CHST12: variants seen among roughly 807,000 people sequenced by gnomAD.
CHST12 encodes the protein carbohydrate (chondroitin 4) sulfotransferase 12.
A neutral mutation model predicts 27.9 loss-of-function variants in CHST12; 23 were observed. The ratio of observed to expected loss-of-function variants is 0.82; its 90% CI spans 0.59 to 1.17. The LOEUF (loss-of-function observed/expected upper bound fraction) is 1.17, where lower values mean the gene tolerates loss of function less well. Ranked by LOEUF, CHST12 falls within the 50% of genes most tolerant of loss-of-function variation. CHST12 has a pLI of 0.00. For missense variants in CHST12, 682 were observed against 603.0 expected, an observed-to-expected ratio of 1.13 and a Z score of -1.37; for synonymous variants, 322 against 273.0, an observed-to-expected ratio of 1.18 and a Z score of -1.77.
At chr7:2,409,715 T>G (rs982612481) in intron 1 of CHST12, among the ~76,000 whole-genome samples, 1 of 152,074 alleles carries the variant, frequency 6.6e-6, no homozygotes, top group Non-Finnish European at 1.5e-5. Context: ...AAACTTCACC[T>G]CACGGAATGA....
chr7:2,414,224 A>G (rs969503850), intron 1 of CHST12, among the ~76,000 whole-genome samples: 2 of 152,000 alleles, frequency 1.3e-5, no homozygotes, highest in African/African-American at 4.8e-5. Context: ...AGATATACAT[A>G]TTGAGAATAT....
At position 2,432,799 on chromosome 7, in the gene CHST12, C is replaced by A. The variant is rs1554282006; in HGVS notation, c.160C>A (p.Pro54Thr). The change falls in exon 2 of 2, where the codon CCG (proline) becomes ACG (threonine). Residue 54 changes from proline to threonine, a missense_variant. Pro to Thr is a conservative substitution (Grantham distance 38, BLOSUM62 -1). Transcript: ENST00000618655. ...HTGPPLPTPG[P>T]DRDRELTADS... ...GGGGCCGCCGCTGCCCACGCCCGGG[C>A]CGGACAGGGACAGGGAGCTCACGGC... The A allele has an allele frequency of 6.2e-7, 1 of 1,613,752 alleles. No individual in the cohort carries two copies. Among genetic ancestry groups the A allele is most frequent in the Non-Finnish European group, 8.5e-7 (1 of 1,179,834 alleles).
intron 1 of CHST12, among the ~76,000 whole-genome samples, chr7:2,430,008 C>G (rs1294780289): frequency 6.6e-6 from 1 of 152,080 alleles, no homozygotes; most frequent in East Asian, 1.9e-4. Context: ...GTCTTGGACT[C>G]TAGGGCTCAA....
At chr7:2,411,890 G>A (rs1261658198) in intron 1 of CHST12, among the ~76,000 whole-genome samples, 1 of 152,180 alleles carries the variant, frequency 6.6e-6, no homozygotes, top group Non-Finnish European at 1.5e-5. Context: ...AATACAGAAG[G>A]TACATGAGAT....
intron 1 of CHST12, among the ~76,000 whole-genome samples, chr7:2,419,212 C>CAAAAAAAAAAAAAA (rs1357179309): frequency 6.6e-6 from 1 of 152,044 alleles, no homozygotes; most frequent in Non-Finnish European, 1.5e-5. Context: ...AGTTCAAGAC[C>CAAAAAAAAAAAAAA]ATCCTGGTCA....
intron 1 of CHST12, among the ~76,000 whole-genome samples, chr7:2,409,520 G>A (rs1257969454): frequency 6.6e-6 from 1 of 151,998 alleles, no homozygotes; most frequent in Non-Finnish European, 1.5e-5. Flanking sequence ...GCTGAGGTGG[G>A]AGGATCACTT....
Position 2,447,647 on chromosome 7 carries a change from A to G in CHST12, c.*13763A>G, listed in dbSNP as rs1782787432. ...GCCACCAAGCCCAGCTAATTTTTGT[A>G]TTTTTAGTAGAGATGAGGTTTCACC... On this transcript the variant is annotated 3_prime_UTR_variant, in exon 2 of 2. Coordinates refer to ENST00000618655, the MANE Select transcript of CHST12 (RefSeq NM_018641.5). The G allele has an allele frequency of 6.6e-6, 1 of 151,730 alleles. No individual in the cohort carries two copies. Among genetic ancestry groups the G allele is most frequent in the African/African-American group, 2.4e-5 (1 of 41,246 alleles). The allele number at this position is 151,730 out of a possible 1,614,324, so 9.4% of individuals were successfully genotyped here.
At chr7:2,415,917 A>G (rs1781795628) in intron 1 of CHST12, among the ~76,000 whole-genome samples, 1 of 152,178 alleles carries the variant, frequency 6.6e-6, no homozygotes, top group South Asian at 2.1e-4. Flanking sequence ...CCTGGCTGGC[A>G]ATTTCTTAAG....
In CHST12 at chr7:2,448,447, A is replaced by T. The variant is rs1363286388; in HGVS notation, c.*14563A>T. ...AGCACCACGTCCTCTTCTGTGTCAT[A>T]TGCAGCTGGATCTCAGTAAATGGCA... is the stretch of plus-strand genomic sequence containing the variant. On this transcript the variant is annotated 3_prime_UTR_variant, in exon 2 of 2. Transcript: ENST00000618655. The T allele has an allele frequency of 6.6e-6, 1 of 152,292 alleles. No homozygotes were observed. Among genetic ancestry groups the T allele is most frequent in the Non-Finnish European group, 1.5e-5 (1 of 68,130 alleles). The allele number at this position is 152,292 out of a possible 1,614,324, so 9.4% of individuals were successfully genotyped here.
At position 2,433,653 on chromosome 7, in the gene CHST12, C is replaced by T. The variant is rs745954214; in HGVS notation, c.1014C>T (p.Phe338=). 6.2e-7 allele frequency: 1 copy of T among 1,613,558 alleles called. No individual in the cohort carries two copies. The highest frequency in any genetic ancestry group is 1.7e-5 in the Admixed American group (1 of 60,000). ...ACCCGTGCCAGATCGACTACGACTTCGTGGGGAAGCTGGAGACTCTGGACG... is the reference window on the plus strand; with the variant it reads ...ACCCGTGCCAGATCGACTACGACTTTGTGGGGAAGCTGGAGACTCTGGACG... ...LCHPCQIDYD[F]VGKLETLDED... is the part of the protein sequence containing the mutation. Residue 338 remains phenylalanine, a synonymous_variant, in exon 2 of 2, where the codon TTC becomes TTT. Transcript: ENST00000618655. This position sits in a 1 kb window ranked among gnomAD's most constrained non-coding sequence, Gnocchi z 6.1.
rs1476118761 is a variant in CHST12 at position 2,436,057 on chromosome 7, TC to T, written c.*2175del. On this transcript the variant is annotated 3_prime_UTR_variant, in exon 2 of 2. Transcript: ENST00000618655. ...TCAAACTCCTGGGCTCAAGTGACCC[TC>T]CTGCATCACCCTCCCAAAGTGCTGG... 1 of 152,260 alleles carries T rather than the reference TC, an allele frequency of 6.6e-6. No homozygotes were observed. Among genetic ancestry groups the T allele is most frequent in the Non-Finnish European group, 1.5e-5 (1 of 68,100 alleles). The allele number at this position is 152,260 out of a possible 1,614,324, so 9.4% of individuals were successfully genotyped here. A position where few individuals can be genotyped will look rare whatever the true frequency, so the allele number is the denominator to read the frequency against.
intron 1 of CHST12, among the ~76,000 whole-genome samples, chr7:2,428,951 A>G (rs954578865): frequency 4.6e-5 from 7 of 152,196 alleles, no homozygotes; most frequent in Non-Finnish European, 7.3e-5. Flanking sequence ...TTATAGCACT[A>G]TCTTATCCAT....
Position 2,447,762 on chromosome 7 carries a change from T to TG in CHST12, c.*13879dup, listed in dbSNP as rs1782791037. ...TGCTGGGATTACAAGCATGAGCCAC[T>TG]GCGCCCGGCCACAAACACTTTTTTT... On this transcript the variant is annotated 3_prime_UTR_variant, in exon 2 of 2. Transcript: ENST00000618655. 6.7e-6 allele frequency: 1 copy of TG among 150,302 alleles called. No individual in the cohort carries two copies. The highest frequency in any genetic ancestry group is 1.5e-5 in the Non-Finnish European group (1 of 67,556). The allele number at this position is 150,302 out of a possible 1,614,324, so 9.3% of individuals were successfully genotyped here. A position where few individuals can be genotyped will look rare whatever the true frequency, so the allele number is the denominator to read the frequency against.
At position 2,444,971 on chromosome 7, in the gene CHST12, T is replaced by G. The variant is rs1782714611; in HGVS notation, c.*11087T>G. On this transcript the variant is annotated 3_prime_UTR_variant, in exon 2 of 2. Coordinates refer to ENST00000618655, the MANE Select transcript of CHST12 (RefSeq NM_018641.5). ...ATGAAATGGTTTTTGCCATTTCAAT[T>G]GGTTCTCTTCCAACGTGTCTTCCTT... 6.6e-6 allele frequency: 1 copy of G among 152,210 alleles called. No homozygotes were observed. Among genetic ancestry groups the G allele is most frequent in the Non-Finnish European group, 1.5e-5 (1 of 68,034 alleles). 9.4% of individuals were successfully genotyped at this position (152,210 alleles called of 1,614,324 possible). A position where few individuals can be genotyped will look rare whatever the true frequency, so the allele number is the denominator to read the frequency against.
intron 1 of CHST12, among the ~76,000 whole-genome samples, chr7:2,408,362 CAAAAAAAAAA>C (rs56330622): frequency 8.6e-6 from 1 of 116,690 alleles, no homozygotes; most frequent in Non-Finnish European, 1.7e-5. Context: ...GACTCCGTCT[CAAAAAAAAAA>C]AAAAAAAAAA....
chr7:2,404,702 C>T (rs1184168562), intron 1 of CHST12, among the ~76,000 whole-genome samples: 1 of 152,228 alleles, frequency 6.6e-6, no homozygotes, highest in African/African-American at 2.4e-5. Context: ...GAGATTGCTA[C>T]ACGAAGGTGC....
At chr7:2,405,376 G>A (rs962034445) in intron 1 of CHST12, among the ~76,000 whole-genome samples, 1 of 152,120 alleles carries the variant, frequency 6.6e-6, no homozygotes, top group African/African-American at 2.4e-5. Context: ...ACCTGGAGGC[G>A]GAAGTTGCAG....
rs1583228985 is a variant in CHST12 at position 2,433,983 on chromosome 7, A to C, written c.*99A>C. On this transcript the variant is annotated 3_prime_UTR_variant, in exon 2 of 2. Coordinates refer to ENST00000618655, the MANE Select transcript of CHST12 (RefSeq NM_018641.5). The surrounding 1 kb of genome is among the most constrained non-coding windows in gnomAD (Gnocchi z 6.1). ...ATTTTGCAATCTGGGCTTCTTGTTC[A>C]CTCCACTGCCTCTATCCATTGAGTA... 1.1e-6 allele frequency: 1 copy of C among 923,064 alleles called. No individual in the cohort carries two copies. The highest frequency in any genetic ancestry group is 2.4e-5 in the East Asian group (1 of 41,090). The allele number at this position is 923,064 out of a possible 1,614,324, so 57.2% of individuals were successfully genotyped here.
chr7:2,409,340 C>T (rs1005267637), intron 1 of CHST12, among the ~76,000 whole-genome samples: 6 of 152,088 alleles, frequency 3.9e-5, no homozygotes, highest in Admixed American at 1.3e-4. Context: ...GCGGGTAGGG[C>T]GTGGTGGTTC....
Sources: allele counts gnomAD v4.1 joint callset (sites outside exome capture counted in the v4.1 genomes callset), GRCh38; gene constraint gnomAD v4.1.1; non-coding constraint Gnocchi (gnomAD v3.1); transcripts MANE v1.5; gene names NCBI Gene and HGNC (gene_info 2026-07-23, HGNC 2026-07-21).